Variants in WDR3 observed in about 807,000 individuals in gnomAD.
The protein encoded by WDR3 is WD repeat domain 3, also known as WD repeat-containing protein 3.
A neutral mutation model predicts 123.7 loss-of-function variants in WDR3; 81 were observed. The observed-to-expected ratio is 0.65, with a 90% CI of 0.55 to 0.79. The LOEUF (loss-of-function observed/expected upper bound fraction) is 0.79, where lower values mean the gene tolerates loss of function less well. Ranked by LOEUF, WDR3 falls within the 30% of genes least tolerant of loss-of-function variation. The pLI is 0.00. For synonymous variants in WDR3, 390 were observed against 388.8 expected, an observed-to-expected ratio of 1.00 and a Z score of -0.04; for missense variants, 1,027 against 1,123.2, an observed-to-expected ratio of 0.91 and a Z score of 1.22.
chr1:117,941,512 G>T (rs536235639), intron 8 of WDR3, among the ~76,000 whole-genome samples: 2 of 152,106 alleles, frequency 1.3e-5, no homozygotes, highest in African/African-American at 2.4e-5. Context: ...TTAAATGCTT[G>T]CTCTTCTAAG....
chr1:117,949,838 T>C lies in WDR3; in HGVS notation c.1610+2T>C. ...AGATGAAAATAGTACCCAAAAGAGG[T>C]GAGTAGACATTTTTTGTGTCCATTT... On this transcript the variant is annotated splice_donor_variant, in intron 14 of 26. Coordinates refer to ENST00000349139, the MANE Select transcript of WDR3 (RefSeq NM_006784.3). LOFTEE classifies it high-confidence loss of function. 2 of 1,613,556 alleles carry C rather than the reference T, an allele frequency of 1.2e-6. No homozygotes were observed. The highest frequency in any genetic ancestry group is 1.7e-6 in the Non-Finnish European group (2 of 1,179,756).
chr1:117,941,321 CT>C, intron 8 of WDR3, 96 bp downstream of exon 8: 1 of 1,223,402 alleles, frequency 8.2e-7, no homozygotes, highest in Non-Finnish European at 1.2e-6. Context: ...TTTTTCTTGA[CT>C]CATGTTAATA....
At chr1:117,943,652 C>A in intron 11 of WDR3, 26 bp downstream of exon 11, 1 of 1,602,060 alleles carries the variant, frequency 6.2e-7, no homozygotes, top group Non-Finnish European at 8.5e-7. Flanking sequence ...TTTTATATAG[C>A]TGTAGTTAGT....
intron 11 of WDR3, 74 bp downstream of exon 11, chr1:117,943,700 T>C: frequency 7.4e-7 from 1 of 1,347,092 alleles, no homozygotes; most frequent in Non-Finnish European, 1.0e-6. Context: ...TCTTAAGGGT[T>C]AGTTATTAAC....
intron 21 of WDR3, 180 bp from the exon 22 acceptor site, chr1:117,953,827 A>C: frequency 1.6e-6 from 1 of 615,778 alleles, no homozygotes. Context: ...TTCCCTGTAC[A>C]TTAAAAAATA....
In WDR3 at chr1:117,962,337, C is replaced by T. The variant is rs1205779241; in HGVS notation, c.*2890C>T. Reference sequence around the variant, plus strand: ...ATTTTAAGCCAGGCAAATTTCTAGTCATTAAGTCAGTATTCATTGCCTTAG... The same window carrying T: ...ATTTTAAGCCAGGCAAATTTCTAGTTATTAAGTCAGTATTCATTGCCTTAG... On this transcript the variant is annotated 3_prime_UTR_variant, in exon 27 of 27. Coordinates refer to ENST00000349139, the MANE Select transcript of WDR3 (RefSeq NM_006784.3). The T allele has an allele frequency of 6.6e-6, 1 of 152,164 alleles. No individual in the cohort carries two copies. Among genetic ancestry groups the T allele is most frequent in the Admixed American group, 6.5e-5 (1 of 15,276 alleles). 9.4% of individuals were successfully genotyped at this position (152,164 alleles called of 1,614,324 possible).
rs1652019213 is a variant in WDR3, at chr1:117,955,316, C to T, written c.2411C>T (p.Pro804Leu). 6.2e-7 allele frequency: 1 copy of T among 1,611,070 alleles called. No individual in the cohort carries two copies. Among genetic ancestry groups the T allele is most frequent in the Non-Finnish European group, 8.5e-7 (1 of 1,178,204 alleles). Residue 804 changes from proline to leucine, a missense_variant and splice_region_variant, in exon 24 of 27, where the codon CCT becomes CTT. Transcript: ENST00000349139. ...PILMAYGSISPSAYVLEIFKG... is the reference protein window; with the variant it reads ...PILMAYGSISLSAYVLEIFKG... ...ATGGTATTAATCCTTCCTTTATAGCCTTCAGCTTATGTATTAGAGATTTTT... is the reference window on the plus strand; with the variant it reads ...ATGGTATTAATCCTTCCTTTATAGCTTTCAGCTTATGTATTAGAGATTTTT...
At chr1:117,931,163 G>A (rs1382017159) in intron 1 of WDR3, among the ~76,000 whole-genome samples, 1 of 152,148 alleles carries the variant, frequency 6.6e-6, no homozygotes, top group Non-Finnish European at 1.5e-5. Flanking sequence ...TGAAACTCTT[G>A]ACTCCTAGGC....
chr1:117,959,343 G>T lies in WDR3; in HGVS notation c.2728G>T (p.Glu910Ter), dbSNP rs768211246. ...AGLDYLKREC[E>*]AKSEVMFFAD... ...TCTTGATTATCTCAAGAGGGAATGCGAGGCAAAAAGTGAAGTTATGTTTTT... is the reference window on the plus strand; with the variant it reads ...TCTTGATTATCTCAAGAGGGAATGCTAGGCAAAAAGTGAAGTTATGTTTTT... Residue 910 changes from glutamate to a stop codon, truncating the protein, a stop_gained, in exon 27 of 27, where the codon GAG (glutamate) becomes TAG (stop). Transcript: ENST00000349139. LOFTEE classifies it high-confidence loss of function. 6.2e-7 allele frequency: 1 copy of T among 1,613,744 alleles called. No individual in the cohort carries two copies. Among genetic ancestry groups the T allele is most frequent in the East Asian group, 2.2e-5 (1 of 44,862 alleles).
intron 21 of WDR3, 119 bp downstream of exon 21, chr1:117,953,660 A>C: frequency 1.1e-6 from 1 of 912,076 alleles, no homozygotes; most frequent in Non-Finnish European, 1.7e-6. Flanking sequence ...TGAGATTTAA[A>C]GATGGGGATT....
chr1:117,935,545 G>A (rs1028429547), intron 3 of WDR3, among the ~76,000 whole-genome samples: 1 of 151,794 alleles, frequency 6.6e-6, no homozygotes, highest in Admixed American at 6.6e-5. Context: ...TTTTAAAGAC[G>A]ACATTTTAAT....
rs932891708 is a variant in WDR3 at position 117,943,317 on chromosome 1, G to T, written c.1098-79G>T. The stretch of plus-strand genomic sequence containing the variant: ...AAACTTTATATAGATAGAGGACATT[G>T]TAAAGCCTTTTCCTGGAAAAAGTAA... On this transcript the variant is annotated intron_variant, in intron 10 of 26. Transcript: ENST00000349139. 1.0e-5 allele frequency: 13 copies of T among 1,243,458 alleles called. No individual in the cohort carries two copies. The African/African-American group carries it at 1.8e-4, about 17-fold the overall frequency. 77.0% of individuals were successfully genotyped at this position (1,243,458 alleles called of 1,614,324 possible). A position where few individuals can be genotyped will look rare whatever the true frequency, so the allele number is the denominator to read the frequency against.
At chr1:117,943,662 T>C in intron 11 of WDR3, 36 bp downstream of exon 11, 2 of 1,585,856 alleles carry the variant, frequency 1.3e-6, no homozygotes, top group Non-Finnish European at 1.7e-6. Context: ...CTGTAGTTAG[T>C]AGTATTTCTT....
At chr1:117,944,566 G>A (rs1651299837) in intron 11 of WDR3, among the ~76,000 whole-genome samples, 1 of 152,086 alleles carries the variant, frequency 6.6e-6, no homozygotes, top group Non-Finnish European at 1.5e-5. Flanking sequence ...ACTTTTATGT[G>A]TCCCAAACCA....
chr1:117,947,779 C>T (rs945921381), intron 12 of WDR3, among the ~76,000 whole-genome samples: 10 of 152,196 alleles, frequency 6.6e-5, no homozygotes, highest in Non-Finnish European at 1.3e-4. Flanking sequence ...AGAAGCTCAT[C>T]GTAAAACAGG....
chr1:117,953,048 T>A, intron 20 of WDR3, 52 bp downstream of exon 20: 1 of 1,579,496 alleles, frequency 6.3e-7, no homozygotes, highest in Non-Finnish European at 8.6e-7. Context: ...AGTTATCTTA[T>A]TGAAATTGAC....
rs539503880 is a variant in WDR3, at chr1:117,942,887, T to C, written c.1097+343T>C. Among the ~76,000 whole-genome samples, 41 of 144,626 alleles carry C rather than the reference T, an allele frequency of 2.8e-4. No homozygotes were observed. In the East Asian group the frequency reaches 3.9e-3, roughly 14 times the overall value. 94.9% of individuals were successfully genotyped at this position (144,626 alleles called of 152,430 possible). A position where few individuals can be genotyped will look rare whatever the true frequency, so the allele number is the denominator to read the frequency against. On this transcript the variant is annotated intron_variant, in intron 10 of 26. Coordinates refer to ENST00000349139, the MANE Select transcript of WDR3 (RefSeq NM_006784.3). ...ATGTATCAGAACCAGGATCTGAGCC[T>C]AGTTTTTTTTTTTTTTTTTTTTTTT...
At chr1:117,937,979 AC>A (rs1292734082) in intron 4 of WDR3, among the ~76,000 whole-genome samples, 3 of 152,192 alleles carry the variant, frequency 2.0e-5, no homozygotes, top group Admixed American at 2.0e-4. Flanking sequence ...GGACAAAGAG[AC>A]CAAATGAGAA....
rs1200877594 is a variant in WDR3, at chr1:117,962,317, A to G, written c.*2870A>G. 1.3e-5 allele frequency: 2 copies of G among 152,212 alleles called. No homozygotes were observed. The highest frequency in any genetic ancestry group is 2.9e-5 in the Non-Finnish European group (2 of 68,036). The allele number at this position is 152,212 out of a possible 1,614,324, so 9.4% of individuals were successfully genotyped here. On this transcript the variant is annotated 3_prime_UTR_variant, in exon 27 of 27. Coordinates refer to ENST00000349139, the MANE Select transcript of WDR3 (RefSeq NM_006784.3). ...ATAGGTGCATTATAAAGTAAATTTT[A>G]AGCCAGGCAAATTTCTAGTCATTAA... is the stretch of plus-strand genomic sequence containing the variant.
Sources: allele counts gnomAD v4.1 joint callset (sites outside exome capture counted in the v4.1 genomes callset), GRCh38; gene constraint gnomAD v4.1.1; transcripts MANE v1.5; gene names NCBI Gene and HGNC (gene_info 2026-07-23, HGNC 2026-07-21).